Variants in CNTN5 observed in about 807,000 individuals in gnomAD.
CNTN5 encodes the protein contactin 5, also known as contactin-5.
In CNTN5, 77 loss-of-function variants were observed where a neutral mutation model predicts 129.1. The ratio of observed to expected loss-of-function variants is 0.60; its 90% confidence interval spans 0.50 to 0.72. The LOEUF is 0.72. Among genes scored for constraint, CNTN5 ranks in the 30% least tolerant of loss-of-function variants. CNTN5 has a pLI of 0.00. For synonymous variants in CNTN5, 509 were observed against 465.6 expected (o/e 1.09, Z -1.20); for missense variants, 1,478 against 1,328.8 (o/e 1.11, Z -1.75).
At chr11:99,592,610 G>A (rs1462709341) in intron 3 of CNTN5, among the ~76,000 whole-genome samples, 3 of 151,980 alleles carry the variant, frequency 2.0e-5, no homozygotes, top group African/African-American at 7.3e-5. Flanking sequence ...AAAATTCTCT[G>A]TTGAAGCGTT....
intron 6 of CNTN5, among the ~76,000 whole-genome samples, chr11:99,870,532 C>T (rs1948477168): frequency 6.6e-6 from 1 of 152,030 alleles, no homozygotes; most frequent in Non-Finnish European, 1.5e-5. Flanking sequence ...GTCACAAATA[C>T]ATCTTTTTTT....
At chr11:100,349,905 A>G (rs1952367536) in intron 23 of CNTN5, among the ~76,000 whole-genome samples, 1 of 151,816 alleles carries the variant, frequency 6.6e-6, no homozygotes, top group Non-Finnish European at 1.5e-5. Flanking sequence ...ACGGTCTTGT[A>G]CAAGTCACCT....
chr11:99,572,902 G>T (rs1024796456), intron 3 of CNTN5, among the ~76,000 whole-genome samples: 1 of 152,078 alleles, frequency 6.6e-6, no homozygotes, highest in African/African-American at 2.4e-5. Flanking sequence ...GAGAGGAGGG[G>T]TTAAAATATA....
chr11:100,172,144 A>C (rs939953484), intron 13 of CNTN5, among the ~76,000 whole-genome samples: 3 of 152,066 alleles, frequency 2.0e-5, no homozygotes, highest in Non-Finnish European at 4.4e-5. Context: ...TTGCATTAAA[A>C]CTAATAATAT....
intron 3 of CNTN5, among the ~76,000 whole-genome samples, chr11:99,709,499 C>T (rs1954884683): frequency 6.6e-6 from 1 of 151,716 alleles, no homozygotes. Context: ...CACGTAATTA[C>T]ATTTGTAAAA....
intron 2 of CNTN5, among the ~76,000 whole-genome samples, chr11:99,452,074 C>T (rs923083553): frequency 6.6e-6 from 1 of 151,770 alleles, no homozygotes; most frequent in Non-Finnish European, 1.5e-5. Flanking sequence ...ACTTTAGAAC[C>T]CCAAAGTACC....
chr11:99,797,245 T>A (rs1945973036), intron 3 of CNTN5, among the ~76,000 whole-genome samples: 1 of 152,200 alleles, frequency 6.6e-6, no homozygotes, highest in African/African-American at 2.4e-5. Context: ...TAAAATGATC[T>A]ATTTTCCTTT....
chr11:100,148,894 CAA>C (rs35869036), intron 13 of CNTN5, among the ~76,000 whole-genome samples: 3 of 142,720 alleles, frequency 2.1e-5, no homozygotes, highest in Admixed American at 7.0e-5. Context: ...CATGAGCTAA[CAA>C]AAAAAAAAGA....
At chr11:99,679,632 G>T (rs549244053) in intron 3 of CNTN5, among the ~76,000 whole-genome samples, 1 of 152,144 alleles carries the variant, frequency 6.6e-6, no homozygotes, top group South Asian at 2.1e-4. Context: ...CCTGTCCTTG[G>T]CCTTCCTTAT....
At chr11:99,743,202 C>T (rs1432539116) in intron 3 of CNTN5, among the ~76,000 whole-genome samples, 2 of 152,116 alleles carry the variant, frequency 1.3e-5, no homozygotes, top group Non-Finnish European at 2.9e-5. Flanking sequence ...TTAGATGTGT[C>T]GTTTTAAAAT....
intron 17 of CNTN5, among the ~76,000 whole-genome samples, chr11:100,264,747 C>T (rs1201178235): frequency 6.6e-6 from 1 of 152,036 alleles, no homozygotes; most frequent in African/African-American, 2.4e-5. Flanking sequence ...GGTATGTACC[C>T]AGTAATGCGA....
intron 3 of CNTN5, among the ~76,000 whole-genome samples, chr11:99,744,211 T>G (rs146862735): frequency 6.6e-6 from 1 of 152,196 alleles, no homozygotes; most frequent in East Asian, 1.9e-4. Context: ...TTTTCAGTTC[T>G]ATTGCAAATA....
Position 100,153,295 on chromosome 11 carries a change from G to A in CNTN5, c.1581-37831G>A, listed in dbSNP as rs570124982. Among the ~76,000 whole-genome samples, 3 of 152,196 alleles carry A rather than the reference G, an allele frequency of 2.0e-5. No homozygotes were observed. The East Asian group carries it at 5.8e-4, about 29-fold the overall frequency. ...ACTCATTTCCTGAGAATCGCAGAAT[G>A]TTGAATTTTTTTACGATTTCAGTAA... is the stretch of plus-strand genomic sequence containing the variant. On this transcript the variant is annotated intron_variant, in intron 13 of 24. Transcript: ENST00000524871.
At chr11:99,134,130 T>A (rs1405826496) in intron 1 of CNTN5, among the ~76,000 whole-genome samples, 1 of 152,160 alleles carries the variant, frequency 6.6e-6, no homozygotes, top group Non-Finnish European at 1.5e-5. Flanking sequence ...GAAGCCATTA[T>A]CCTCAGCAAA....
rs541218483 is a variant in CNTN5, at chr11:100,141,059, C to T, written c.1581-50067C>T. Among the ~76,000 whole-genome samples the T allele has an allele frequency of 4.9e-4, 75 of 151,896 alleles. 3 individuals carry two copies. The highest frequency in any genetic ancestry group is 2.2e-4 in the Non-Finnish European group (15 of 67,964). The stretch of plus-strand genomic sequence containing the variant: ...CAGGTTTCCATTGGAACAAAATGGT[C>T]GAGGAAAAATTGAAAGTTTGCAAAT... On this transcript the variant is annotated intron_variant, in intron 13 of 24. Coordinates refer to ENST00000524871, the MANE Select transcript of CNTN5 (RefSeq NM_014361.4).
chr11:99,489,641 C>A (rs1945957297), intron 2 of CNTN5, among the ~76,000 whole-genome samples: 1 of 152,122 alleles, frequency 6.6e-6, no homozygotes, highest in Admixed American at 6.6e-5. Flanking sequence ...ATTATTTTAA[C>A]ATAACAGGGA....
At chr11:99,994,409 A>G (rs1272330331) in intron 8 of CNTN5, among the ~76,000 whole-genome samples, 1 of 152,216 alleles carries the variant, frequency 6.6e-6, no homozygotes, top group African/African-American at 2.4e-5. Flanking sequence ...GAAAGAGAAA[A>G]AAATCAAAAT....
At chr11:100,237,698 G>A (rs563634676) in intron 16 of CNTN5, among the ~76,000 whole-genome samples, 14 of 152,136 alleles carry the variant, frequency 9.2e-5, no homozygotes, top group African/African-American at 3.4e-4. Context: ...AGAAAAAAAA[G>A]GCTTTTTCTT....
intron 13 of CNTN5, among the ~76,000 whole-genome samples, chr11:100,138,896 A>C (rs2138244335): frequency 6.6e-6 from 1 of 152,282 alleles, no homozygotes; most frequent in African/African-American, 2.4e-5. Context: ...AATGCTTGGT[A>C]GTAGAGATGA....
Sources: allele counts gnomAD v4.1 joint callset (sites outside exome capture counted in the v4.1 genomes callset), GRCh38; gene constraint gnomAD v4.1.1; transcripts MANE v1.5; gene names NCBI Gene and HGNC (gene_info 2026-07-23, HGNC 2026-07-21).